The following ULK4 variants were observed in gnomAD, a reference collection of about 807,000 sequenced individuals.
The protein encoded by ULK4 is inactive serine/threonine-protein kinase ULK4.
In ULK4, 133 loss-of-function variants were observed where a neutral mutation model predicts 160.6. The ratio of observed to expected loss-of-function variants is 0.83; its 90% CI spans 0.72 to 0.96. The LOEUF is 0.96. Ranked by LOEUF, ULK4 falls within the 40% of genes least tolerant of loss-of-function variation. The pLI, the probability that ULK4 is intolerant of heterozygous loss-of-function variation, is 0.00. For synonymous variants in ULK4, 534 were observed against 539.8 expected (o/e 0.99, Z 0.15); for missense variants, 1,580 against 1,499.5 (o/e 1.05, Z -0.89).
At chr3:41,744,224 A>C (rs2125884199) in intron 22 of ULK4, among the ~76,000 whole-genome samples, 1 of 152,102 alleles carries the variant, frequency 6.6e-6, no homozygotes, top group African/African-American at 2.4e-5. Flanking sequence ...TCTTAAATGT[A>C]AATGGTCCAA....
intron 35 of ULK4, among the ~76,000 whole-genome samples, chr3:41,363,854 T>G (rs780797098): frequency 1.5e-4 from 23 of 152,260 alleles, no homozygotes; most frequent in Non-Finnish European, 2.9e-4. Flanking sequence ...TAAACTACCA[T>G]TCAGTTTTGA....
intron 17 of ULK4, among the ~76,000 whole-genome samples, chr3:41,872,880 C>T (rs562632790): frequency 5.9e-5 from 9 of 152,090 alleles, no homozygotes; most frequent in South Asian, 2.1e-4. Context: ...TTCGGCTGGG[C>T]GCAGTGGCTC....
intron 32 of ULK4, among the ~76,000 whole-genome samples, chr3:41,473,661 C>CAAAAAAAAAAAAAAAAAAAAAAAA (rs1294599838): frequency 7.9e-5 from 2 of 25,296 alleles, no homozygotes; most frequent in African/African-American, 3.6e-4. Flanking sequence ...GATTCTGTCT[C>CAAAAAAAAAAAAAAAAAAAAAAAA]AAAGAAAAAA....
chr3:41,280,938 A>C (rs2079339646), intron 35 of ULK4, among the ~76,000 whole-genome samples: 1 of 152,216 alleles, frequency 6.6e-6, no homozygotes, highest in Non-Finnish European at 1.5e-5. Flanking sequence ...AAGAGTGAAG[A>C]ATCAAATAGA....
chr3:41,622,647 C>A (rs2033312471), intron 30 of ULK4, among the ~76,000 whole-genome samples: 1 of 152,026 alleles, frequency 6.6e-6, no homozygotes, highest in Non-Finnish European at 1.5e-5. Flanking sequence ...ATACCTAATG[C>A]ATGCAGAGCT....
intron 32 of ULK4, among the ~76,000 whole-genome samples, chr3:41,558,703 C>A (rs1322949816): frequency 1.7e-4 from 23 of 138,812 alleles, no homozygotes; most frequent in Admixed American, 2.2e-4. Context: ...GACTCCATCT[C>A]AAAAAAAAAA....
chr3:41,684,064 A>G (rs1702889455), intron 27 of ULK4, among the ~76,000 whole-genome samples: 1 of 152,156 alleles, frequency 6.6e-6, no homozygotes, highest in Non-Finnish European at 1.5e-5. Context: ...CTTCTTGCAA[A>G]GAGAAGAGGA....
chr3:41,648,118 G>C (rs968276050), intron 30 of ULK4, among the ~76,000 whole-genome samples: 1 of 152,316 alleles, frequency 6.6e-6, no homozygotes, highest in South Asian at 2.1e-4. Context: ...CTTTGACTAG[G>C]AGAGGGAACT....
chr3:41,505,412 AT>A (rs2085343108), intron 32 of ULK4, among the ~76,000 whole-genome samples: 1 of 152,196 alleles, frequency 6.6e-6, no homozygotes. Flanking sequence ...AGTGGTCGCA[AT>A]TCATTCATTC....
chr3:41,481,597 G>A (rs1012076112), intron 32 of ULK4, among the ~76,000 whole-genome samples: 1 of 151,800 alleles, frequency 6.6e-6, no homozygotes, highest in Non-Finnish European at 1.5e-5. Flanking sequence ...GGAGGCCGAG[G>A]CGGGCGGATC....
chr3:41,735,691 T>TTATTAG (rs1429785318), intron 22 of ULK4, among the ~76,000 whole-genome samples: 2 of 147,662 alleles, frequency 1.4e-5, no homozygotes, highest in African/African-American at 2.5e-5. Context: ...GTCCATTTTA[T>TTATTAG]TATTATTATT....
At chr3:41,309,831 C>T (rs2080015769) in intron 35 of ULK4, among the ~76,000 whole-genome samples, 1 of 151,030 alleles carries the variant, frequency 6.6e-6, no homozygotes, top group South Asian at 2.1e-4. Context: ...GAATAAGCTG[C>T]ACTAAAAAAT....
chr3:41,769,573 G>A (rs1056448238), intron 21 of ULK4, among the ~76,000 whole-genome samples: 4 of 152,112 alleles, frequency 2.6e-5, no homozygotes, highest in Non-Finnish European at 4.4e-5. Context: ...AGCACAACAA[G>A]GTTATGTCCA....
chr3:41,595,012 T>C (rs2031597391), intron 31 of ULK4, among the ~76,000 whole-genome samples: 1 of 152,152 alleles, frequency 6.6e-6, no homozygotes, highest in Non-Finnish European at 1.5e-5. Flanking sequence ...AGTTTTGGTG[T>C]GTGAGAGGAA....
chr3:41,314,717 A>G (rs7614054), intron 35 of ULK4, among the ~76,000 whole-genome samples: 3,340 of 152,236 alleles, frequency 0.022, 84 homozygotes, highest in African/African-American at 0.068. Flanking sequence ...TGAGTATACA[A>G]TTTATTTGAA....
chr3:41,818,234 A>G (rs1381241785), intron 19 of ULK4, among the ~76,000 whole-genome samples: 1 of 152,188 alleles, frequency 6.6e-6, no homozygotes, highest in Non-Finnish European at 1.5e-5. Flanking sequence ...GCACTCCTGT[A>G]TTCCCATCTT....
intron 21 of ULK4, 155 bp downstream of exon 21, chr3:41,789,506 G>T: frequency 1.7e-6 from 1 of 585,882 alleles, no homozygotes; most frequent in Non-Finnish European, 2.7e-6. Flanking sequence ...AACATGTTCA[G>T]ATGAACATTC....
At chr3:41,854,994 A>G (rs1197457171) in intron 17 of ULK4, 1 of 151,446 alleles carries the variant, frequency 6.6e-6, no homozygotes, top group Non-Finnish European at 1.5e-5. Context: ...ATCACAAGAG[A>G]TAACAATGCA....
chr3:41,927,884 T>C (rs920687816), intron 5 of ULK4, among the ~76,000 whole-genome samples: 2 of 152,072 alleles, frequency 1.3e-5, no homozygotes, highest in Non-Finnish European at 2.9e-5. Flanking sequence ...CAAAGAGACA[T>C]AGACTCCCAC....
Sources: gnomAD v4.1 joint callset for allele counts (sites outside exome capture counted in the v4.1 genomes callset) on GRCh38, gnomAD v4.1.1 for gene constraint, MANE v1.5 for transcripts, NCBI Gene and HGNC (gene_info 2026-07-23, HGNC 2026-07-21) for gene names.